The following DCLK1 variants were observed in gnomAD, a reference collection of about 807,000 sequenced individuals.
The protein encoded by DCLK1 is serine/threonine-protein kinase DCLK1.
A neutral mutation model predicts 86.2 loss-of-function variants in DCLK1; 16 were observed. The ratio of observed to expected loss-of-function variants is 0.19; its 90% confidence interval spans 0.13 to 0.28. The LOEUF (loss-of-function observed/expected upper bound fraction) is 0.28, where lower values mean the gene tolerates loss of function less well. Among genes scored for constraint, DCLK1 ranks in the 10% least tolerant of loss-of-function variants. The pLI is 1.00. For missense variants in DCLK1, 590 were observed against 940.2 expected, an observed-to-expected ratio of 0.63 and a Z score of 4.87; for synonymous variants, 369 against 370.5, an observed-to-expected ratio of 1.00 and a Z score of 0.05.
At chr13:36,107,864 C>T (rs1200617048) in intron 3 of DCLK1, among the ~76,000 whole-genome samples, 1 of 152,048 alleles carries the variant, frequency 6.6e-6, no homozygotes, top group Non-Finnish European at 1.5e-5. Flanking sequence ...TCCAAATGGC[C>T]TCTGGGAGTA....
chr13:35,998,282 T>A (rs1880560823), intron 3 of DCLK1, among the ~76,000 whole-genome samples: 1 of 152,108 alleles, frequency 6.6e-6, no homozygotes, highest in Non-Finnish European at 1.5e-5. Flanking sequence ...ATAAATAATA[T>A]CATTATTAAA....
chr13:36,013,279 G>C (rs201687982), intron 3 of DCLK1, among the ~76,000 whole-genome samples: 7,129 of 151,684 alleles, frequency 0.047, 167 homozygotes, highest in Middle Eastern at 0.092. Context: ...GAGGAACTGC[G>C]TTCCTTTGGA....
chr13:36,083,911 C>T (rs1012018271), intron 3 of DCLK1, among the ~76,000 whole-genome samples: 5 of 152,090 alleles, frequency 3.3e-5, no homozygotes, highest in African/African-American at 1.2e-4. Context: ...AGGTTCATTT[C>T]CTCCTGGATT....
intron 4 of DCLK1, among the ~76,000 whole-genome samples, chr13:35,885,599 G>A (rs2153117645): frequency 6.6e-6 from 1 of 152,266 alleles, no homozygotes; most frequent in East Asian, 1.9e-4. Flanking sequence ...CAAGAAATAA[G>A]CACAATCACA....
chr13:36,061,718 C>T (rs1003502132), intron 3 of DCLK1, among the ~76,000 whole-genome samples: 3 of 152,132 alleles, frequency 2.0e-5, no homozygotes, highest in African/African-American at 4.8e-5. Context: ...TTTGGCTCAA[C>T]TTAAATATAA....
intron 3 of DCLK1, among the ~76,000 whole-genome samples, chr13:36,015,189 C>T (rs1254387533): frequency 6.6e-6 from 1 of 152,162 alleles, no homozygotes; most frequent in Non-Finnish European, 1.5e-5. Context: ...CTCCAAATTT[C>T]TTCAGGAAAT....
chr13:36,001,147 C>T (rs2153145835), intron 3 of DCLK1, among the ~76,000 whole-genome samples: 1 of 152,206 alleles, frequency 6.6e-6, no homozygotes, highest in East Asian at 1.9e-4. Context: ...GGGGTTTCTA[C>T]ATGTTGGTCA....
chr13:35,805,802 C>T (rs750586756), intron 14 of DCLK1, 23 bp from the exon 15 acceptor site: 3 of 1,602,832 alleles, frequency 1.9e-6, no homozygotes, highest in Non-Finnish European at 1.7e-6. Context: ...ACGTTAGAGT[C>T]CATTTATCTG....
intron 5 of DCLK1, chr13:35,868,968 T>G: frequency 2.7e-6 from 1 of 369,068 alleles, no homozygotes; most frequent in Non-Finnish European, 5.5e-6. Flanking sequence ...TTTTTGTATT[T>G]TTAGTAGAGA....
chr13:36,013,548 G>A (rs1454152287), intron 3 of DCLK1, among the ~76,000 whole-genome samples: 1 of 152,172 alleles, frequency 6.6e-6, no homozygotes, highest in Non-Finnish European at 1.5e-5. Context: ...TCGGGGGTCA[G>A]GGGTCAGGGA....
At chr13:36,021,494 T>C (rs1191363354) in intron 3 of DCLK1, among the ~76,000 whole-genome samples, 1 of 151,926 alleles carries the variant, frequency 6.6e-6, no homozygotes, top group African/African-American at 2.4e-5. Flanking sequence ...ATACATGCTA[T>C]CTACAAAATA....
chr13:35,984,080 A>G (rs1471885838), intron 3 of DCLK1, among the ~76,000 whole-genome samples: 1 of 152,198 alleles, frequency 6.6e-6, no homozygotes, highest in Non-Finnish European at 1.5e-5. Flanking sequence ...CTGCTGACAC[A>G]CAGTAGGTTG....
chr13:35,924,641 C>T (rs1041975766), intron 4 of DCLK1, among the ~76,000 whole-genome samples: 12 of 152,132 alleles, frequency 7.9e-5, no homozygotes, highest in African/African-American at 2.9e-4. Flanking sequence ...CAGAGCAAGA[C>T]CCTGTCTTAA....
chr13:35,911,343 C>T (rs1875020055), intron 4 of DCLK1, among the ~76,000 whole-genome samples: 1 of 151,728 alleles, frequency 6.6e-6, no homozygotes, highest in South Asian at 2.1e-4. Flanking sequence ...ACGACCTTTT[C>T]AGAGATAAAC....
At chr13:36,053,245 T>C (rs1883188184) in intron 3 of DCLK1, among the ~76,000 whole-genome samples, 1 of 152,116 alleles carries the variant, frequency 6.6e-6, no homozygotes, top group South Asian at 2.1e-4. Context: ...AGGCGGCCAC[T>C]GGAATAAGAG....
In DCLK1 at chr13:35,832,246, G is replaced by C. The variant is rs576186673; in HGVS notation, c.1229+3787C>G. 1.1e-4 allele frequency among the ~76,000 whole-genome samples: 17 copies of C among 152,284 alleles called. No homozygotes were observed. In the East Asian group the frequency reaches 3.1e-3, roughly 28 times the overall value. ...GCCCAGAACTTTGAGACTGCAATGA[G>C]CTATGATCTTGCCACTGCACTCCAG... is the stretch of plus-strand genomic sequence containing the variant. On this transcript the variant is annotated intron_variant, in intron 8 of 16. Transcript: ENST00000360631.
chr13:35,846,179 T>C, intron 6 of DCLK1: 1 of 985,354 alleles, frequency 1.0e-6, no homozygotes, highest in African/African-American at 1.7e-5. Flanking sequence ...TTAAAGAGAA[T>C]ACACATCCAA....
intron 11 of DCLK1, 84 bp downstream of exon 11, chr13:35,822,645 A>T: frequency 3.8e-6 from 6 of 1,583,366 alleles, no homozygotes; most frequent in Non-Finnish European, 4.3e-6. Flanking sequence ...TTTTTAAAAA[A>T]AGAAAGAAAA....
upstream of DCLK1, among the ~76,000 whole-genome samples, chr13:36,131,681 G>GC (rs1886366416): frequency 6.6e-6 from 1 of 152,214 alleles, no homozygotes; most frequent in African/African-American, 2.4e-5. Flanking sequence ...CTGAGTCTGA[G>GC]CCAGGAAGTG....
Sources: allele counts gnomAD v4.1 joint callset (sites outside exome capture counted in the v4.1 genomes callset), GRCh38; gene constraint gnomAD v4.1.1; transcripts MANE v1.5; gene names NCBI Gene and HGNC (gene_info 2026-07-23, HGNC 2026-07-21).